MCTP1: variants seen among roughly 807,000 people sequenced by gnomAD.
The protein encoded by MCTP1 is multiple C2 and transmembrane domain containing 1, also known as multiple C2 and transmembrane domain-containing protein 1.
In MCTP1, 69 loss-of-function variants were observed where a neutral mutation model predicts 120.6. The observed-to-expected ratio is 0.57, with a 90% confidence interval of 0.47 to 0.70. MCTP1 has a LOEUF of 0.70. MCTP1 is among the 30% of genes least tolerant of loss of function. The probability of loss-of-function intolerance (pLI) is 0.00; values close to 1 mark genes in which losing one functional copy is unlikely to be tolerated. For synonymous variants in MCTP1, 529 were observed against 493.1 expected, an observed-to-expected ratio of 1.07 and a Z score of -0.96; for missense variants, 1,203 against 1,248.8, an observed-to-expected ratio of 0.96 and a Z score of 0.55.
chr5:94,708,035 T>C (rs1438536967), intron 22 of MCTP1, among the ~76,000 whole-genome samples: 1 of 151,828 alleles, frequency 6.6e-6, no homozygotes, highest in Non-Finnish European at 1.5e-5. Context: ...GGCATTAACC[T>C]CAAAGGATTT....
chr5:94,967,302 C>A (rs776118549), intron 2 of MCTP1, among the ~76,000 whole-genome samples: 3 of 152,150 alleles, frequency 2.0e-5, no homozygotes, highest in South Asian at 4.1e-4. Flanking sequence ...GAACTTAGAT[C>A]ACTATAGCTA....
At chr5:94,845,511 A>T (rs1792123791) in intron 17 of MCTP1, among the ~76,000 whole-genome samples, 1 of 147,484 alleles carries the variant, frequency 6.8e-6, no homozygotes, top group Non-Finnish European at 1.5e-5. Flanking sequence ...CAGATTAAAA[A>T]GTGGGCAAAG....
intron 1 of MCTP1, among the ~76,000 whole-genome samples, chr5:95,204,584 T>G (rs1055826906): frequency 1.3e-5 from 2 of 152,176 alleles, no homozygotes; most frequent in African/African-American, 4.8e-5. Context: ...GAAATAAAGT[T>G]ATCTCTACTT....
intron 1 of MCTP1, among the ~76,000 whole-genome samples, chr5:95,134,414 G>A (rs1759282211): frequency 6.6e-6 from 1 of 152,206 alleles, no homozygotes; most frequent in East Asian, 1.9e-4. Flanking sequence ...CAGCTTAGTG[G>A]TTTAAAACAA....
At chr5:94,897,569 T>G (rs572844921) in intron 10 of MCTP1, among the ~76,000 whole-genome samples, 2 of 152,176 alleles carry the variant, frequency 1.3e-5, no homozygotes, top group African/African-American at 4.8e-5. Flanking sequence ...TTCACCATGT[T>G]GACCATGCTA....
intron 12 of MCTP1, among the ~76,000 whole-genome samples, chr5:94,882,371 T>A (rs1205984717): frequency 6.6e-6 from 1 of 152,130 alleles, no homozygotes; most frequent in Non-Finnish European, 1.5e-5. Context: ...TATTTAGTCA[T>A]TCACGAGTCC....
intron 1 of MCTP1, among the ~76,000 whole-genome samples, chr5:95,101,704 A>G (rs1009131856): frequency 1.8e-4 from 28 of 151,998 alleles, no homozygotes; most frequent in African/African-American, 6.5e-4. Context: ...TAGTGATCCC[A>G]CTCTTTCTGC....
chr5:94,831,636 T>G (rs1333534384), intron 17 of MCTP1, among the ~76,000 whole-genome samples: 1 of 152,190 alleles, frequency 6.6e-6, no homozygotes, highest in African/African-American at 2.4e-5. Flanking sequence ...GGTCCATTTT[T>G]AGGAGTCAAA....
chr5:95,027,568 T>C (rs1482807698), intron 1 of MCTP1, among the ~76,000 whole-genome samples: 1 of 152,018 alleles, frequency 6.6e-6, no homozygotes, highest in African/African-American at 2.4e-5. Flanking sequence ...GAAAACTACA[T>C]ATAGTAGAGG....
chr5:94,843,423 G>C (rs953548628), intron 17 of MCTP1, among the ~76,000 whole-genome samples: 4 of 152,166 alleles, frequency 2.6e-5, no homozygotes, highest in African/African-American at 7.2e-5. Context: ...AAGGGCATCA[G>C]AGGTGATGGG....
At chr5:94,908,123 T>C (rs1052579135) in intron 10 of MCTP1, among the ~76,000 whole-genome samples, 26 of 152,070 alleles carry the variant, frequency 1.7e-4, no homozygotes, top group Non-Finnish European at 2.9e-4. Flanking sequence ...TATTAACAGA[T>C]GTGGTATATC....
chr5:94,924,048 AT>A, intron 6 of MCTP1, 27 bp from the exon 7 acceptor site: 1 of 1,316,858 alleles, frequency 7.6e-7, no homozygotes, highest in Non-Finnish European at 1.0e-6. Flanking sequence ...ATTTAGCTAC[AT>A]TTTGAGATGT....
chr5:94,830,144 A>G (rs1307962969), intron 17 of MCTP1, among the ~76,000 whole-genome samples: 1 of 152,252 alleles, frequency 6.6e-6, no homozygotes, highest in Non-Finnish European at 1.5e-5. Flanking sequence ...ACAAAAGATT[A>G]AAACAAACAA....
chr5:95,202,220 A>C (rs1008466589), intron 1 of MCTP1, among the ~76,000 whole-genome samples: 2 of 151,814 alleles, frequency 1.3e-5, no homozygotes, highest in African/African-American at 4.8e-5. Flanking sequence ...ACACTGGAAC[A>C]CTCTTCTTCC....
At chr5:95,104,782 A>C (rs112044400) in intron 1 of MCTP1, among the ~76,000 whole-genome samples, 4,677 of 152,292 alleles carry the variant, frequency 0.031, 169 homozygotes, top group Admixed American at 0.1. Context: ...TTCAGCACTT[A>C]TCAAATTTCT....
At chr5:94,721,921 C>T (rs1460952514) in intron 19 of MCTP1, among the ~76,000 whole-genome samples, 2 of 149,340 alleles carry the variant, frequency 1.3e-5, no homozygotes, top group Non-Finnish European at 3.0e-5. Context: ...ACAGCTATAA[C>T]CATGAATCTG....
At chr5:94,800,031 C>G (rs1257770724) in intron 17 of MCTP1, among the ~76,000 whole-genome samples, 1 of 152,128 alleles carries the variant, frequency 6.6e-6, no homozygotes, top group Non-Finnish European at 1.5e-5. Context: ...AGATTCCACT[C>G]CTGACTCTAA....
At chr5:95,048,209 T>C (rs989209691) in intron 1 of MCTP1, among the ~76,000 whole-genome samples, 54 of 152,320 alleles carry the variant, frequency 3.5e-4, no homozygotes, top group Admixed American at 5.2e-4. Context: ...TAATCTTTTT[T>C]AGCCATTAGT....
At chr5:95,031,504 G>T (rs989830843) in intron 1 of MCTP1, among the ~76,000 whole-genome samples, 1 of 152,074 alleles carries the variant, frequency 6.6e-6, no homozygotes, top group African/African-American at 2.4e-5. Context: ...AGAGAAAAAT[G>T]CCAGCCAAGA....
Sources: gnomAD v4.1 joint callset for allele counts (sites outside exome capture counted in the v4.1 genomes callset) on GRCh38, gnomAD v4.1.1 for gene constraint, MANE v1.5 for transcripts, NCBI Gene and HGNC (gene_info 2026-07-23, HGNC 2026-07-21) for gene names.